The following DGCR2 variants were observed in gnomAD, a reference collection of about 807,000 sequenced individuals.
DGCR2 encodes the protein DiGeorge syndrome critical region gene 2, also known as integral membrane protein DGCR2/IDD.
A neutral mutation model predicts 51.6 loss-of-function variants in DGCR2; 24 were observed. The observed-to-expected ratio is 0.47, with a 90% CI of 0.34 to 0.65. The LOEUF (loss-of-function observed/expected upper bound fraction) is 0.65, where lower values mean the gene tolerates loss of function less well. DGCR2 is among the 30% of genes least tolerant of loss of function. The probability of loss-of-function intolerance (pLI) is 0.01; values close to 1 mark genes in which losing one functional copy is unlikely to be tolerated. For missense variants in DGCR2, 765 were observed against 772.1 expected, an observed-to-expected ratio of 0.99 and a Z score of 0.11; for synonymous variants, 340 against 315.4, an observed-to-expected ratio of 1.08 and a Z score of -0.82.
chr22:19,109,957 C>G (rs1283772463), intron 1 of DGCR2, among the ~76,000 whole-genome samples: 1 of 152,238 alleles, frequency 6.6e-6, no homozygotes. Flanking sequence ...ACAGCCCAGC[C>G]ATGGGCAGGC....
intron 1 of DGCR2, among the ~76,000 whole-genome samples, chr22:19,110,409 C>T (rs2083301982): frequency 6.6e-6 from 1 of 152,012 alleles, no homozygotes; most frequent in Non-Finnish European, 1.5e-5. Flanking sequence ...GCACCTGGAG[C>T]CTGCTGAAGC....
chr22:19,043,466 C>T (rs2082455293), intron 7 of DGCR2, among the ~76,000 whole-genome samples: 1 of 152,194 alleles, frequency 6.6e-6, no homozygotes, highest in Non-Finnish European at 1.5e-5. Flanking sequence ...ACATGGCTGG[C>T]AGTTCCATGC....
intron 1 of DGCR2, among the ~76,000 whole-genome samples, chr22:19,112,036 A>G (rs545516805): frequency 6.6e-6 from 1 of 152,186 alleles, no homozygotes; most frequent in East Asian, 1.9e-4. Context: ...ACTTTCAGAG[A>G]TGCAGGCGGG....
Position 19,036,503 on chromosome 22 carries a change from G to C in DGCR2, c.*2362C>G, listed in dbSNP as rs556054615. ...TGGCAAGCTGGTCCTAGAGGAGGAGGACCCCTGGAGCACAAGGTTCAGCAA... is the reference window on the plus strand; with the variant it reads ...TGGCAAGCTGGTCCTAGAGGAGGAGCACCCCTGGAGCACAAGGTTCAGCAA... On this transcript the variant is annotated 3_prime_UTR_variant, in exon 10 of 10. Coordinates refer to ENST00000263196, the MANE Select transcript of DGCR2 (RefSeq NM_005137.3). 4 of 152,600 alleles carry C rather than the reference G, an allele frequency of 2.6e-5. No individual in the cohort carries two copies. Among genetic ancestry groups the C allele is most frequent in the East Asian group, 3.9e-4 (2 of 5,176 alleles). The allele number at this position is 152,600 out of a possible 1,614,324, so 9.5% of individuals were successfully genotyped here. A position where few individuals can be genotyped will look rare whatever the true frequency, so the allele number is the denominator to read the frequency against.
intron 2 of DGCR2, among the ~76,000 whole-genome samples, chr22:19,083,937 G>C (rs940385730): frequency 6.6e-6 from 1 of 152,196 alleles, no homozygotes; most frequent in African/African-American, 2.4e-5. Flanking sequence ...GGCCGGGCTA[G>C]TCTCCAGCTC....
chr22:19,084,140 A>G (rs1313906383), intron 2 of DGCR2, among the ~76,000 whole-genome samples: 2 of 151,326 alleles, frequency 1.3e-5, no homozygotes, highest in African/African-American at 4.9e-5. Flanking sequence ...CCCGGCCACC[A>G]CCCCGTCTGG....
At chr22:19,061,114 C>A (rs2082657970) in intron 5 of DGCR2, 2 of 212,074 alleles carry the variant, frequency 9.4e-6, no homozygotes, top group Non-Finnish European at 2.0e-5. Flanking sequence ...AAATGACTTA[C>A]ATCCATTTCC....
At chr22:19,077,985 C>T (rs573832168) in intron 2 of DGCR2, among the ~76,000 whole-genome samples, 2 of 152,282 alleles carry the variant, frequency 1.3e-5, no homozygotes, top group Non-Finnish European at 2.9e-5. Flanking sequence ...CACCTCACCA[C>T]ACCCAGCTAA....
chr22:19,064,777 G>C, intron 4 of DGCR2, 71 bp downstream of exon 4: 2 of 1,447,920 alleles, frequency 1.4e-6, no homozygotes, highest in Non-Finnish European at 1.9e-6. Flanking sequence ...TTACTGAGTG[G>C]TCAGAGGCCA....
intron 1 of DGCR2, among the ~76,000 whole-genome samples, chr22:19,097,506 T>G (rs2083155162): frequency 6.6e-6 from 1 of 151,996 alleles, no homozygotes; most frequent in Non-Finnish European, 1.5e-5. Flanking sequence ...AAGCTGAGAT[T>G]GCACCACTGC....
At chr22:19,109,102 C>T (rs1227782257) in intron 1 of DGCR2, among the ~76,000 whole-genome samples, 4 of 152,108 alleles carry the variant, frequency 2.6e-5, no homozygotes, top group Non-Finnish European at 5.9e-5. Flanking sequence ...GCTATCACCT[C>T]ACCCATTAGG....
Position 19,122,290 on chromosome 22 carries a change from G to T in DGCR2, c.-84C>A. The T allele has an allele frequency of 1.7e-6, 2 of 1,207,136 alleles. No homozygotes were observed. Among genetic ancestry groups the T allele is most frequent in the African/African-American group, 1.6e-5 (1 of 62,318 alleles). The allele number at this position is 1,207,136 out of a possible 1,614,324, so 74.8% of individuals were successfully genotyped here. A position where few individuals can be genotyped will look rare whatever the true frequency, so the allele number is the denominator to read the frequency against. On this transcript the variant is annotated 5_prime_UTR_variant, in exon 1 of 10. Coordinates refer to ENST00000263196, the MANE Select transcript of DGCR2 (RefSeq NM_005137.3). The stretch of plus-strand genomic sequence containing the variant: ...GTCAGGGGACCGTGCCAAGCGGAGG[G>T]TCAGGCGGAGCTGAACCTGGGCGAG...
In DGCR2 at chr22:19,054,762, G is replaced by A. The variant is rs150951784; in HGVS notation, c.802+2224C>T. On this transcript the variant is annotated intron_variant, in intron 6 of 9. Transcript: ENST00000263196. The stretch of plus-strand genomic sequence containing the variant: ...ACCTTAAAAAAAAAAAAAAGAGAGA[G>A]TCAAGGAGAGTATAGAAAAAAATGT... Among the ~76,000 whole-genome samples the A allele has an allele frequency of 5.7e-4, 86 of 150,570 alleles. 2 individuals are homozygous for A. The East Asian group carries it at 0.016, about 28-fold the overall frequency.
chr22:19,063,619 G>C (rs73158805), intron 4 of DGCR2, among the ~76,000 whole-genome samples: 10 of 151,720 alleles, frequency 6.6e-5, no homozygotes, highest in Non-Finnish European at 8.8e-5. Flanking sequence ...AAAGTGCTGG[G>C]ATTGTTTTTT....
chr22:19,093,219 G>A (rs1369379319), intron 1 of DGCR2, among the ~76,000 whole-genome samples: 3 of 152,056 alleles, frequency 2.0e-5, no homozygotes, highest in Admixed American at 1.3e-4. Flanking sequence ...AATTAGCCAG[G>A]CATGGTGGTG....
At chr22:19,075,438 C>T (rs1363204371) in intron 2 of DGCR2, among the ~76,000 whole-genome samples, 1 of 147,598 alleles carries the variant, frequency 6.8e-6, no homozygotes, top group Non-Finnish European at 1.5e-5. Context: ...CAGAGCAAGA[C>T]TCTGTCTCAA....
At chr22:19,075,506 A>G (rs190457783) in intron 2 of DGCR2, among the ~76,000 whole-genome samples, 3 of 151,852 alleles carry the variant, frequency 2.0e-5, no homozygotes, top group East Asian at 3.9e-4. Context: ...CATTAGTTCC[A>G]TAACAACCAT....
intron 3 of DGCR2, among the ~76,000 whole-genome samples, chr22:19,066,496 C>T (rs934610714): frequency 6.6e-6 from 1 of 152,212 alleles, no homozygotes; most frequent in African/African-American, 2.4e-5. Context: ...GTGTGTTGCA[C>T]ATTCATTGCG....
intron 2 of DGCR2, among the ~76,000 whole-genome samples, chr22:19,082,740 G>A (rs1443293141): frequency 6.6e-6 from 1 of 150,636 alleles, no homozygotes; most frequent in East Asian, 2.0e-4. Context: ...CTGGGTGACA[G>A]AGCGAAACTC....
Sources: allele counts gnomAD v4.1 joint callset (sites outside exome capture counted in the v4.1 genomes callset), GRCh38; gene constraint gnomAD v4.1.1; transcripts MANE v1.5; gene names NCBI Gene and HGNC (gene_info 2026-07-23, HGNC 2026-07-21).